SS18L1: variants seen among roughly 807,000 people sequenced by gnomAD.
The protein encoded by SS18L1 is SS18L1 subunit of BAF chromatin remodeling complex, also known as calcium-responsive transactivator.
Under a neutral mutation model 70.3 loss-of-function variants are expected in SS18L1, and 32 were observed. The ratio of observed to expected loss-of-function variants is 0.46; its 90% CI spans 0.34 to 0.61. SS18L1 has a LOEUF of 0.61. Ranked by LOEUF, SS18L1 falls within the 20% of genes least tolerant of loss-of-function variation. The pLI is 0.01. For synonymous variants in SS18L1, 237 were observed against 229.7 expected, an observed-to-expected ratio of 1.03 and a Z score of -0.29; for missense variants, 430 against 542.1, an observed-to-expected ratio of 0.79 and a Z score of 2.05.
intron 8 of SS18L1, among the ~76,000 whole-genome samples, chr20:62,170,181 G>A (rs868752800): frequency 2.0e-5 from 3 of 152,156 alleles, no homozygotes; most frequent in Non-Finnish European, 4.4e-5. Flanking sequence ...ACCTTCTCAC[G>A]GGCACCCCGC....
intron 8 of SS18L1, among the ~76,000 whole-genome samples, chr20:62,166,483 C>T (rs2057433561): frequency 6.6e-6 from 1 of 152,188 alleles, no homozygotes; most frequent in South Asian, 2.1e-4. Flanking sequence ...CACATCTCAG[C>T]CTGCTGTGAA....
Position 62,159,268 on chromosome 20 carries a change from G to A in SS18L1, c.146+520G>A, listed in dbSNP as rs2057281776. On this transcript the variant is annotated intron_variant, in intron 2 of 10. Transcript: ENST00000331758. The surrounding 1 kb of genome is among the most constrained non-coding windows in gnomAD (Gnocchi z 4.4). Reference sequence around the variant, plus strand: ...GAACCTAGGGCCTGATGCGTAGGAGGGGTGCGTGGCCAGTCTGCCACCCTC... The same window carrying A: ...GAACCTAGGGCCTGATGCGTAGGAGAGGTGCGTGGCCAGTCTGCCACCCTC... Among the ~76,000 whole-genome samples, 2 of 152,306 alleles carry A rather than the reference G, an allele frequency of 1.3e-5. No homozygotes were observed. Among genetic ancestry groups the A allele is most frequent in the South Asian group, 4.1e-4 (2 of 4,822 alleles).
At chr20:62,150,832 C>T (rs113437496) in intron 1 of SS18L1, among the ~76,000 whole-genome samples, 2 of 150,390 alleles carry the variant, frequency 1.3e-5, no homozygotes, top group Non-Finnish European at 2.9e-5. Context: ...TGTGGAGCAG[C>T]GGGAGCGAAA....
intron 7 of SS18L1, 36 bp downstream of exon 7, chr20:62,164,282 C>A: frequency 6.5e-7 from 1 of 1,532,812 alleles, no homozygotes; most frequent in Non-Finnish European, 8.8e-7. Flanking sequence ...CGCCCAGGAA[C>A]GCAGAGCAGC....
intron 10 of SS18L1, among the ~76,000 whole-genome samples, chr20:62,176,385 T>C (rs2057620452): frequency 1.3e-5 from 2 of 152,110 alleles, no homozygotes; most frequent in African/African-American, 4.8e-5. Context: ...TGGTGGTGCA[T>C]GCCTGTAATC....
At chr20:62,164,103 A>G in intron 6 of SS18L1, 42 bp from the exon 7 acceptor site, 1 of 1,525,850 alleles carries the variant, frequency 6.6e-7, no homozygotes, top group Non-Finnish European at 8.9e-7. Flanking sequence ...CTGAGGGAGG[A>G]GGGCGCGGCC....
intron 1 of SS18L1, among the ~76,000 whole-genome samples, chr20:62,150,924 T>C (rs555585660): frequency 2.0e-5 from 3 of 152,142 alleles, no homozygotes; most frequent in African/African-American, 4.8e-5. Flanking sequence ...AGCTGGCCTC[T>C]GGGGAAGAGG....
intron 4 of SS18L1, chr20:62,162,551 A>ACCTCGG (rs2057348714): frequency 1.8e-6 from 1 of 554,828 alleles, no homozygotes; most frequent in Non-Finnish European, 3.1e-6. Flanking sequence ...TGATCCACCC[A>ACCTCGG]CCTCGGCCTC....
chr20:62,163,550 A>T lies in SS18L1; in HGVS notation c.649A>T (p.Met217Leu). ...CCAGGGCCAGTCGTCCATCGCCATG[A>T]TGGGGCAGGGCAGCCAGGGGAGCAG... is the stretch of plus-strand genomic sequence containing the variant. ...HYQGQSSIAM[M>L]GQGSQGSSMM... The change falls in exon 6 of 11, where the codon ATG becomes TTG. Residue 217 changes from methionine (M) to leucine (L), a missense_variant. By Grantham distance (15) the Met-to-Leu change is conservative. Coordinates refer to ENST00000331758, the MANE Select transcript of SS18L1 (RefSeq NM_198935.3). 6.2e-7 allele frequency: 1 copy of T among 1,611,118 alleles called. No individual in the cohort carries two copies. Among genetic ancestry groups the T allele is most frequent in the Non-Finnish European group, 8.5e-7 (1 of 1,179,708 alleles).
chr20:62,162,950 C>T lies in SS18L1; in HGVS notation c.556+19C>T, dbSNP rs1601023429. The stretch of plus-strand genomic sequence containing the variant: ...AACCCAGGTACCTACTCTGCCTCTG[C>T]AACCCCGGGGGGCCTGGGCCTGCCT... On this transcript the variant is annotated intron_variant, in intron 5 of 10. Coordinates refer to ENST00000331758, the MANE Select transcript of SS18L1 (RefSeq NM_198935.3). 6.2e-7 allele frequency: 1 copy of T among 1,610,350 alleles called. No homozygotes were observed. The highest frequency in any genetic ancestry group is 1.3e-5 in the African/African-American group (1 of 74,932).
At position 62,145,435 on chromosome 20, in the gene SS18L1, C is replaced by G. The variant is rs370724145; in HGVS notation, c.69+1546C>G. Among the ~76,000 whole-genome samples the G allele has an allele frequency of 2.2e-4, 34 of 152,322 alleles. 1 individual carries two copies. The East Asian group carries it at 6.2e-3, about 28-fold the overall frequency. Reference sequence around the variant, plus strand: ...TGGGAACATTTGGCCAGGCGGAGGTCAAGCTCTAGGCTCAGAGGCAAATGT... The same window carrying G: ...TGGGAACATTTGGCCAGGCGGAGGTGAAGCTCTAGGCTCAGAGGCAAATGT... On this transcript the variant is annotated intron_variant, in intron 1 of 10. Transcript: ENST00000331758.
At chr20:62,163,073 C>T (rs544384403) in intron 5 of SS18L1, 142 bp downstream of exon 5, 36 of 1,161,404 alleles carry the variant, frequency 3.1e-5, no homozygotes, top group South Asian at 7.4e-5. Flanking sequence ...CGGGGCTGGC[C>T]GCTGCCTCTG....
chr20:62,180,540 A>G lies in SS18L1; in HGVS notation c.*1332A>G, dbSNP rs549862558. ...ACCAAGAAAATACAAGAGATATCCA[A>G]TGCTTGATATATGAGGCCTAGTAAT... On this transcript the variant is annotated 3_prime_UTR_variant, in exon 11 of 11. Transcript: ENST00000331758. 1.8e-4 allele frequency: 32 copies of G among 179,620 alleles called. No homozygotes were observed. Among genetic ancestry groups the G allele is most frequent in the Non-Finnish European group, 3.0e-4 (25 of 83,844 alleles). The allele number at this position is 179,620 out of a possible 1,614,324, so 11.1% of individuals were successfully genotyped here. A position where few individuals can be genotyped will look rare whatever the true frequency, so the allele number is the denominator to read the frequency against.
At chr20:62,152,246 T>C (rs2057146874) in intron 1 of SS18L1, among the ~76,000 whole-genome samples, 1 of 152,138 alleles carries the variant, frequency 6.6e-6, no homozygotes, top group African/African-American at 2.4e-5. Context: ...CACTCCACCA[T>C]GAGCAGAGCG....
intron 1 of SS18L1, among the ~76,000 whole-genome samples, chr20:62,157,334 C>T (rs1270003315): frequency 6.6e-6 from 1 of 152,192 alleles, no homozygotes; most frequent in South Asian, 2.1e-4. Flanking sequence ...CTCCTGGGGC[C>T]ACAGAGCACG....
Position 62,165,528 on chromosome 20 carries a change from C to G in SS18L1, c.916+14C>G. The G allele has an allele frequency of 6.2e-7, 1 of 1,605,618 alleles. No homozygotes were observed. Among genetic ancestry groups the G allele is most frequent in the Non-Finnish European group, 8.5e-7 (1 of 1,175,888 alleles). Reference sequence around the variant, plus strand: ...ACTATGAGGGGGGTAAGGAGCACGGCTGCGTGCTGGGCTCGAGCGTAAGCG... The same window carrying G: ...ACTATGAGGGGGGTAAGGAGCACGGGTGCGTGCTGGGCTCGAGCGTAAGCG... On this transcript the variant is annotated intron_variant, in intron 8 of 10. Transcript: ENST00000331758.
chr20:62,181,220 C>G lies in SS18L1; in HGVS notation c.*2012C>G, dbSNP rs2057701721. ...CTAAAACCCTTAACACTGGTAAGGGCTCAAAAATAAACGTATGTGTTCATA... is the reference window on the plus strand; with the variant it reads ...CTAAAACCCTTAACACTGGTAAGGGGTCAAAAATAAACGTATGTGTTCATA... On this transcript the variant is annotated 3_prime_UTR_variant, in exon 11 of 11. Coordinates refer to ENST00000331758, the MANE Select transcript of SS18L1 (RefSeq NM_198935.3). The G allele has an allele frequency of 4.9e-6, 1 of 202,202 alleles. No individual in the cohort carries two copies. The highest frequency in any genetic ancestry group is 1.9e-4 in the South Asian group (1 of 5,246). 12.5% of individuals were successfully genotyped at this position (202,202 alleles called of 1,614,324 possible). A position where few individuals can be genotyped will look rare whatever the true frequency, so the allele number is the denominator to read the frequency against.
At position 62,179,187 on chromosome 20, in the gene SS18L1, G is replaced by T; in HGVS notation, c.1170G>T (p.Gln390His). 6.2e-7 allele frequency: 1 copy of T among 1,614,204 alleles called. No homozygotes were observed. Among genetic ancestry groups the T allele is most frequent in the Non-Finnish European group, 8.5e-7 (1 of 1,180,024 alleles). ...QQRPYGYEQGQYGNYQQ is the reference protein window; with the variant it reads ...QQRPYGYEQGHYGNYQQ ...TGTGTCTTGATCTCTTTTAGGGCCA[G>T]TATGGAAATTACCAGCAGTAAGGGA... The change falls in exon 11 of 11, where the codon CAG becomes CAT. Residue 390 changes from glutamine (Q) to histidine (H), a missense_variant. By Grantham distance (24) the Gln-to-His change is conservative. Coordinates refer to ENST00000331758, the MANE Select transcript of SS18L1 (RefSeq NM_198935.3).
chr20:62,160,008 G>A (rs373692878), intron 3 of SS18L1, 47 bp downstream of exon 3: 148 of 1,554,136 alleles, frequency 9.5e-5, no homozygotes, highest in Middle Eastern at 1.7e-4. Flanking sequence ...CAAGGACTCC[G>A]ACACTGCCTA....
Sources: allele counts gnomAD v4.1 joint callset (sites outside exome capture counted in the v4.1 genomes callset), GRCh38; gene constraint gnomAD v4.1.1; non-coding constraint Gnocchi (gnomAD v3.1); transcripts MANE v1.5; gene names NCBI Gene and HGNC (gene_info 2026-07-23, HGNC 2026-07-21).